Variants in ZNF30 observed in about 807,000 individuals in gnomAD.
ZNF30 encodes the protein zinc finger protein 30 (KOX 28).
In ZNF30, 15 loss-of-function variants were observed where a neutral mutation model predicts 13.2. The ratio of observed to expected loss-of-function variants is 1.13; its 90% CI spans 0.76 to 1.75. The LOEUF (loss-of-function observed/expected upper bound fraction) is 1.75, where lower values mean the gene tolerates loss of function less well. Among genes scored for constraint, ZNF30 ranks in the 40% most tolerant of loss-of-function variants. The pLI is 0.00. For missense variants in ZNF30, 726 were observed against 757.0 expected (o/e 0.96, Z 0.48); for synonymous variants, 223 against 256.6 (o/e 0.87, Z 1.25).
At chr19:34,936,437 C>T (rs1270241221) in intron 4 of ZNF30, among the ~76,000 whole-genome samples, 4 of 152,056 alleles carry the variant, frequency 2.6e-5, no homozygotes, top group Non-Finnish European at 5.9e-5. Flanking sequence ...GGTACGGTCA[C>T]GTGAGATGGT....
At chr19:34,938,388 A>C (rs954596009) in intron 4 of ZNF30, among the ~76,000 whole-genome samples, 2 of 151,844 alleles carry the variant, frequency 1.3e-5, no homozygotes, top group African/African-American at 4.8e-5. Flanking sequence ...TTTCTTTTTT[A>C]TTTTTTTATA....
chr19:34,937,090 C>A (rs980967957), intron 4 of ZNF30, among the ~76,000 whole-genome samples: 3 of 151,990 alleles, frequency 2.0e-5, no homozygotes, highest in Non-Finnish European at 2.9e-5. Context: ...CAGCTCACTG[C>A]AACCTCTGCC....
Position 34,943,338 on chromosome 19 carries a change from A to G in ZNF30, c.372A>G (p.Glu124=). ...ISRQKPRECQ[E]YGKTLCQDSK... ...GACAGAAACCACGTGAATGTCAGGA[A>G]TATGGAAAGACCCTTTGTCAAGACT... is the stretch of plus-strand genomic sequence containing the variant. Residue 124 remains glutamate, a synonymous_variant, in exon 5 of 5, where the codon GAA becomes GAG. Coordinates refer to ENST00000601142, the MANE Select transcript of ZNF30 (RefSeq NM_194325.3). The G allele has an allele frequency of 6.2e-7, 1 of 1,614,020 alleles. No individual in the cohort carries two copies. The highest frequency in any genetic ancestry group is 2.2e-5 in the East Asian group (1 of 44,878).
At chr19:34,925,504 G>A (rs1022016997), upstream of ZNF30, among the ~76,000 whole-genome samples, 2 of 152,226 alleles carry the variant, frequency 1.3e-5, no homozygotes, top group African/African-American at 4.8e-5. Flanking sequence ...CGTCTGTCAT[G>A]TCTTCTTCCG....
chr19:34,935,056 C>T (rs1049868124), intron 4 of ZNF30, among the ~76,000 whole-genome samples: 9 of 151,964 alleles, frequency 5.9e-5, no homozygotes, highest in African/African-American at 1.2e-4. Context: ...GGTAAAACCC[C>T]GTCTCTACTA....
At chr19:34,939,798 C>CT (rs1568542157) in intron 4 of ZNF30, among the ~76,000 whole-genome samples, 1 of 152,112 alleles carries the variant, frequency 6.6e-6, no homozygotes, top group Admixed American at 6.5e-5. Context: ...TTTAGTCTTT[C>CT]TTTTTTCACA....
upstream of ZNF30, among the ~76,000 whole-genome samples, chr19:34,926,578 T>C (rs2012081427): frequency 6.6e-6 from 1 of 152,258 alleles, no homozygotes; most frequent in East Asian, 1.9e-4. Context: ...CTATTAATAT[T>C]CTGTTAAATA....
At chr19:34,931,031 C>CT (rs892102659) in intron 2 of ZNF30, among the ~76,000 whole-genome samples, 3 of 140,322 alleles carry the variant, frequency 2.1e-5, no homozygotes, top group Admixed American at 7.2e-5. Flanking sequence ...TTTTTTTTTT[C>CT]TTTTTTTCTT....
At position 34,928,252 on chromosome 19, in the gene ZNF30, T is replaced by TATATATAG. The variant is rs1325117057; in HGVS notation, c.-65+1039_-65+1040insTATAGATA. ...ATATATATATATATATATATATATA[T>TATATATAG]ATAGATAGATAGATAGATAGATACA... On this transcript the variant is annotated intron_variant, in intron 1 of 4. Coordinates refer to ENST00000601142, the MANE Select transcript of ZNF30 (RefSeq NM_194325.3). Among the ~76,000 whole-genome samples, 311 of 56,290 alleles carry TATATATAG rather than the reference T, an allele frequency of 5.5e-3. 1 individual carries two copies. Among genetic ancestry groups the TATATATAG allele is most frequent in the Middle Eastern group, 0.025 (2 of 80 alleles). The allele number at this position is 56,290 out of a possible 152,430, so 36.9% of individuals were successfully genotyped here.
intron 4 of ZNF30, among the ~76,000 whole-genome samples, chr19:34,938,570 C>T (rs34802915): frequency 0.21 from 32,046 of 151,704 alleles, 3,460 homozygotes; most frequent in Non-Finnish European, 0.24. Flanking sequence ...AATTTTTTGC[C>T]GTACCATTTA....
chr19:34,933,641 T>TA lies in ZNF30; in HGVS notation c.177dup (p.Pro60ThrfsTer14). ...TCTCATAAGCAGGACATTCCCGTTC[T>TA]AAACCACATGTGATCGCCTTATTGG... On this transcript the variant is annotated frameshift_variant, in exon 4 of 5. Coordinates refer to ENST00000601142, the MANE Select transcript of ZNF30 (RefSeq NM_194325.3). LOFTEE classifies it high-confidence loss of function. 3.1e-6 allele frequency: 5 copies of TA among 1,599,470 alleles called. No homozygotes were observed. In the Middle Eastern group the frequency reaches 8.3e-4, roughly 265 times the overall value.
chr19:34,924,275 T>A (rs930800739), upstream of ZNF30, among the ~76,000 whole-genome samples: 2 of 151,964 alleles, frequency 1.3e-5, no homozygotes, highest in South Asian at 4.1e-4. Context: ...TTTCAAAAAT[T>A]TTCTCAAAAA....
chr19:34,924,264 A>G (rs1294116823), upstream of ZNF30, among the ~76,000 whole-genome samples: 3 of 151,974 alleles, frequency 2.0e-5, no homozygotes, highest in Non-Finnish European at 2.9e-5. Flanking sequence ...TTTCAAAATC[A>G]TTTCAAAAAT....
chr19:34,942,786 A>G, intron 4 of ZNF30: 1 of 389,936 alleles, frequency 2.6e-6, no homozygotes, highest in South Asian at 2.2e-5. Flanking sequence ...GGACAATATT[A>G]TCTGTGGAAA....
At chr19:34,931,620 C>G (rs183428157) in intron 2 of ZNF30, among the ~76,000 whole-genome samples, 1 of 152,268 alleles carries the variant, frequency 6.6e-6, no homozygotes, top group East Asian at 1.9e-4. Flanking sequence ...ATTCTTTTAT[C>G]CATTTCACCA....
chr19:34,925,005 T>C (rs1341017504), upstream of ZNF30, among the ~76,000 whole-genome samples: 1 of 152,250 alleles, frequency 6.6e-6, no homozygotes, highest in African/African-American at 2.4e-5. Flanking sequence ...TAGGTTGATG[T>C]TGATAAGAGA....
chr19:34,935,700 G>GTTTTT (rs142285130), intron 4 of ZNF30, among the ~76,000 whole-genome samples: 1 of 84,222 alleles, frequency 1.2e-5, no homozygotes, highest in African/African-American at 5.2e-5. Flanking sequence ...GTTGTCTATA[G>GTTTTT]TTTTTTTTTT....
rs1568544772 is a variant in ZNF30 at position 34,943,547 on chromosome 19, A to T, written c.581A>T (p.His194Leu). ...ATCAGTGGCTCAGCCTTTGTTAAGC[A>T]TGGGAGAATTCACACTGGTGAGAAG... is the stretch of plus-strand genomic sequence containing the variant. ...AFISGSAFVKHGRIHTGEKPL... is the reference protein window; with the variant it reads ...AFISGSAFVKLGRIHTGEKPL... The change falls in exon 5 of 5, where the codon CAT becomes CTT. Residue 194 changes from histidine (H) to leucine (L), a missense_variant. Transcript: ENST00000601142. The T allele has an allele frequency of 2.5e-6, 4 of 1,613,766 alleles. No homozygotes were observed. Among genetic ancestry groups the T allele is most frequent in the Non-Finnish European group, 3.4e-6 (4 of 1,179,796 alleles).
chr19:34,944,307 A>G lies in ZNF30; in HGVS notation c.1341A>G (p.Gln447=). ...FISRHQLTVH[Q]RVHTGEKPYE... is the part of the protein sequence containing the mutation. Reference sequence around the variant, plus strand: ...GTCGCCATCAGCTTACCGTACATCAAAGGGTTCATACTGGAGAGAAACCCT... The same window carrying G: ...GTCGCCATCAGCTTACCGTACATCAGAGGGTTCATACTGGAGAGAAACCCT... Residue 447 remains glutamine (Q), a synonymous_variant, in exon 5 of 5, where the codon CAA becomes CAG. Coordinates refer to ENST00000601142, the MANE Select transcript of ZNF30 (RefSeq NM_194325.3). The G allele has an allele frequency of 6.2e-7, 1 of 1,612,448 alleles. No individual in the cohort carries two copies. Among genetic ancestry groups the G allele is most frequent in the African/African-American group, 1.3e-5 (1 of 74,376 alleles).
Sources: allele counts gnomAD v4.1 joint callset (sites outside exome capture counted in the v4.1 genomes callset), GRCh38; gene constraint gnomAD v4.1.1; transcripts MANE v1.5; gene names NCBI Gene and HGNC (gene_info 2026-07-23, HGNC 2026-07-21).